Variants in KDM4C observed in about 807,000 individuals in gnomAD.
KDM4C encodes lysine-specific demethylase 4C.
In KDM4C, 81 loss-of-function variants were observed where a neutral mutation model predicts 129.3. The observed-to-expected ratio is 0.63, with a 90% CI of 0.52 to 0.75. The LOEUF (loss-of-function observed/expected upper bound fraction) is 0.75, where lower values mean the gene tolerates loss of function less well. KDM4C is among the 30% of genes least tolerant of loss of function. The pLI, the probability that KDM4C is intolerant of heterozygous loss-of-function variation, is 0.00. For synonymous variants in KDM4C, 573 were observed against 456.1 expected (o/e 1.26, Z -3.26); for missense variants, 1,457 against 1,304.0 (o/e 1.12, Z -1.81).
At position 7,164,799 on chromosome 9, in the gene KDM4C, A is replaced by G. The variant is rs188815874; in HGVS notation, c.2782-439A>G. ...CAGTTTCCTTGTCAGTAAAATGGGG[A>G]TAATTAATAGTCTCTTTCTATGTCA... On this transcript the variant is annotated intron_variant, in intron 19 of 21. Transcript: ENST00000381309. Among the ~76,000 whole-genome samples, 178 of 152,254 alleles carry G rather than the reference A, an allele frequency of 1.2e-3. 1 individual carries two copies. Among genetic ancestry groups the G allele is most frequent in the African/African-American group, 4.1e-3 (170 of 41,544 alleles).
intron 1 of KDM4C, among the ~76,000 whole-genome samples, chr9:6,751,796 CA>C (rs1563928147): frequency 6.6e-6 from 1 of 152,086 alleles, no homozygotes; most frequent in African/African-American, 2.4e-5. Context: ...GCTCATTGAT[CA>C]GACAGAATAC....
chr9:6,810,121 T>C (rs1030756672), intron 3 of KDM4C, among the ~76,000 whole-genome samples: 8 of 152,246 alleles, frequency 5.3e-5, no homozygotes, highest in Non-Finnish European at 4.4e-5. Flanking sequence ...TCTCTTGTTA[T>C]AAAGAAACTT....
chr9:6,880,895 G>A (rs137979235), intron 6 of KDM4C, among the ~76,000 whole-genome samples: 2 of 152,196 alleles, frequency 1.3e-5, no homozygotes, highest in African/African-American at 4.8e-5. Context: ...TGTTTTGCTA[G>A]CCACCCTTCC....
At chr9:6,812,610 G>A (rs754969738) in intron 3 of KDM4C, among the ~76,000 whole-genome samples, 2 of 152,136 alleles carry the variant, frequency 1.3e-5, no homozygotes, top group African/African-American at 4.8e-5. Context: ...TAATGCCACT[G>A]ATCTGACAGG....
At chr9:7,057,960 C>T (rs1342790967) in intron 17 of KDM4C, among the ~76,000 whole-genome samples, 2 of 152,192 alleles carry the variant, frequency 1.3e-5, no homozygotes, top group South Asian at 4.1e-4. Context: ...CTAAAAATGC[C>T]ATTTCCTTGC....
At chr9:7,095,615 C>G (rs1294747424) in intron 17 of KDM4C, among the ~76,000 whole-genome samples, 1 of 151,760 alleles carries the variant, frequency 6.6e-6, no homozygotes, top group East Asian at 1.9e-4. Context: ...TTTAATTTAA[C>G]TAATGTGAAT....
At chr9:6,887,434 A>G (rs1336098002) in intron 6 of KDM4C, among the ~76,000 whole-genome samples, 5 of 152,202 alleles carry the variant, frequency 3.3e-5, no homozygotes, top group African/African-American at 1.2e-4. Flanking sequence ...ATGGCTGGGA[A>G]GTTCATTCAG....
chr9:7,081,988 A>G (rs562929802), intron 17 of KDM4C, among the ~76,000 whole-genome samples: 13 of 152,306 alleles, frequency 8.5e-5, no homozygotes, highest in African/African-American at 2.9e-4. Context: ...GGTGGTCGAT[A>G]TCTAGATATC....
At position 6,738,389 on chromosome 9, in the gene KDM4C, C is replaced by T. The variant is rs151146067; in HGVS notation, c.49+17392C>T. Among the ~76,000 whole-genome samples, 926 of 152,214 alleles carry T rather than the reference C, an allele frequency of 6.1e-3. 11 individuals carry two copies. Among genetic ancestry groups the T allele is most frequent in the African/African-American group, 0.021 (891 of 41,560 alleles). Reference sequence around the variant, plus strand: ...ACTCGGGAGGCTGAGGCAGGAGAATCGCTTGAACCTGGGAGGCGAAGGTTG... The same window carrying T: ...ACTCGGGAGGCTGAGGCAGGAGAATTGCTTGAACCTGGGAGGCGAAGGTTG... On this transcript the variant is annotated intron_variant, in intron 1 of 17. Transcript: ENST00000536108.
intron 8 of KDM4C, among the ~76,000 whole-genome samples, chr9:6,910,229 C>T (rs1009209965): frequency 6.6e-6 from 1 of 152,064 alleles, no homozygotes; most frequent in African/African-American, 2.4e-5. Flanking sequence ...GTTTGAGAAG[C>T]AGCACTACAT....
At chr9:7,084,788 T>C (rs77604979) in intron 17 of KDM4C, among the ~76,000 whole-genome samples, 2,208 of 152,330 alleles carry the variant, frequency 0.014, 40 homozygotes, top group African/African-American at 0.048. Context: ...TCTACAAATA[T>C]TGAATGGGCA....
At chr9:7,116,785 A>G (rs1353480739) in intron 18 of KDM4C, among the ~76,000 whole-genome samples, 1 of 152,112 alleles carries the variant, frequency 6.6e-6, no homozygotes, top group Non-Finnish European at 1.5e-5. Context: ...GTCCAGAGAA[A>G]CCTAGGAAGT....
At chr9:6,801,091 A>C (rs1189342941) in intron 2 of KDM4C, among the ~76,000 whole-genome samples, 1 of 152,044 alleles carries the variant, frequency 6.6e-6, no homozygotes, top group Non-Finnish European at 1.5e-5. Context: ...TGGCCAAGTT[A>C]CTCATCTCCT....
At chr9:6,925,134 G>T in intron 8 of KDM4C, 3 of 985,312 alleles carry the variant, frequency 3.0e-6, no homozygotes, top group Non-Finnish European at 3.6e-6. Flanking sequence ...CTCTTTCATG[G>T]ATGCCAAGCA....
intron 8 of KDM4C, among the ~76,000 whole-genome samples, chr9:6,960,836 A>G (rs1451014735): frequency 7.2e-6 from 1 of 138,896 alleles, no homozygotes; most frequent in Admixed American, 7.5e-5. Context: ...GCCTTCAGGC[A>G]TTCTCAAATA....
At chr9:6,990,671 G>A (rs983776935) in intron 12 of KDM4C, 147 bp downstream of exon 12, 4 of 592,394 alleles carry the variant, frequency 6.8e-6, no homozygotes, top group African/African-American at 3.8e-5. Context: ...ATAATTTACA[G>A]GTAAAAGGAA....
At chr9:6,766,472 C>G (rs1563956815) in intron 1 of KDM4C, among the ~76,000 whole-genome samples, 1 of 151,926 alleles carries the variant, frequency 6.6e-6, no homozygotes, top group African/African-American at 2.4e-5. Context: ...TAGTGGGGGT[C>G]TCGGTGTGGG....
chr9:7,034,286 C>A (rs1389806947), intron 15 of KDM4C, among the ~76,000 whole-genome samples: 2 of 152,126 alleles, frequency 1.3e-5, no homozygotes, highest in African/African-American at 2.4e-5. Context: ...CTGGTATAGA[C>A]CACAGAAATA....
At chr9:6,944,802 G>T (rs1346416121) in intron 8 of KDM4C, among the ~76,000 whole-genome samples, 1 of 151,880 alleles carries the variant, frequency 6.6e-6, no homozygotes, top group African/African-American at 2.4e-5. Context: ...TTTTGGTTTG[G>T]ATTGGATGCT....
Sources: allele counts gnomAD v4.1 joint callset (sites outside exome capture counted in the v4.1 genomes callset), GRCh38; gene constraint gnomAD v4.1.1; transcripts MANE v1.5; gene names NCBI Gene and HGNC (gene_info 2026-07-23, HGNC 2026-07-21).